The following NKD1 variants were observed in gnomAD, a reference collection of about 807,000 sequenced individuals.
NKD1 encodes NKD inhibitor of Wnt signaling pathway 1, also known as protein naked cuticle homolog 1.
In NKD1, 21 loss-of-function variants were observed where a neutral mutation model predicts 56.0. The observed-to-expected ratio is 0.38, with a 90% CI of 0.27 to 0.54. The LOEUF (loss-of-function observed/expected upper bound fraction) is 0.54. NKD1 is among the 20% of genes least tolerant of loss of function. NKD1 has a pLI of 0.82. For synonymous variants in NKD1, 263 were observed against 265.7 expected (o/e 0.99, Z 0.10); for missense variants, 578 against 642.7 (o/e 0.90, Z 1.09).
At chr16:50,599,512 C>T (rs920212285) in intron 3 of NKD1, among the ~76,000 whole-genome samples, 17 of 152,348 alleles carry the variant, frequency 1.1e-4, no homozygotes, top group African/African-American at 2.9e-4. Context: ...TGGGGGTCAT[C>T]GCAGAGCCCA....
At chr16:50,576,004 C>T (rs1015164624) in intron 3 of NKD1, among the ~76,000 whole-genome samples, 1 of 152,218 alleles carries the variant, frequency 6.6e-6, no homozygotes, top group Non-Finnish European at 1.5e-5. Flanking sequence ...TAAACAGTGC[C>T]AAGGTGGAGA....
chr16:50,555,345 G>C (rs1054090781), intron 3 of NKD1: 1 of 152,490 alleles, frequency 6.6e-6, no homozygotes, highest in African/African-American at 2.4e-5. Context: ...GGTGGCTCTT[G>C]GCACATCTGA....
In NKD1 at chr16:50,645,720, T is replaced by C. The variant is rs913901190; in HGVS notation, c.*11939T>C. On this transcript the variant is annotated 3_prime_UTR_variant, in exon 10 of 10. Coordinates refer to ENST00000268459, the MANE Select transcript of NKD1 (RefSeq NM_033119.5). ...ACGTTGTTTATGACGTTCTTACCCA[T>C]GAAAGCGCTCAAGGATCCGCTTGCT... The C allele has an allele frequency of 3.9e-5, 6 of 152,076 alleles. No homozygotes were observed. The highest frequency in any genetic ancestry group is 1.5e-4 in the African/African-American group (6 of 41,314). The allele number at this position is 152,076 out of a possible 1,614,324, so 9.4% of individuals were successfully genotyped here.
intron 3 of NKD1, among the ~76,000 whole-genome samples, chr16:50,597,840 G>A (rs147248038): frequency 2.0e-5 from 3 of 152,322 alleles, no homozygotes; most frequent in African/African-American, 7.2e-5. Context: ...CTGGCAGCAT[G>A]CGAACTGCTG....
chr16:50,626,257 C>G (rs1050428894), intron 6 of NKD1, among the ~76,000 whole-genome samples: 2 of 152,230 alleles, frequency 1.3e-5, no homozygotes, highest in African/African-American at 4.8e-5. Flanking sequence ...GTGCTAGGTA[C>G]TAGGCATGAG....
chr16:50,562,979 C>CGT (rs1960668079), intron 3 of NKD1, among the ~76,000 whole-genome samples: 6 of 119,114 alleles, frequency 5.0e-5, no homozygotes, highest in Middle Eastern at 3.9e-3. Context: ...TGCTAGGTCC[C>CGT]ACCACCACCC....
chr16:50,616,030 T>C (rs751092920), intron 4 of NKD1: 2 of 453,300 alleles, frequency 4.4e-6, no homozygotes, highest in South Asian at 3.1e-5. Context: ...TTAAAATTCA[T>C]CTGCATTCCC....
chr16:50,553,190 AATAG>A (rs140125933), intron 3 of NKD1, among the ~76,000 whole-genome samples: 2,120 of 152,336 alleles, frequency 0.014, 38 homozygotes, highest in African/African-American at 0.038. Context: ...GAAAAAGCTT[AATAG>A]ATAGATTAAA....
chr16:50,550,995 C>T (rs183197994), intron 3 of NKD1, among the ~76,000 whole-genome samples: 19 of 152,156 alleles, frequency 1.2e-4, no homozygotes, highest in Non-Finnish European at 2.4e-4. Context: ...AGGCAGCTTG[C>T]TCCATGCTAG....
intron 3 of NKD1, among the ~76,000 whole-genome samples, chr16:50,576,298 A>G (rs1876512665): frequency 6.6e-6 from 1 of 152,156 alleles, no homozygotes; most frequent in African/African-American, 2.4e-5. Context: ...ACTCACCCCC[A>G]TGTCCAATTA....
chr16:50,563,008 T>C lies in NKD1; in HGVS notation c.192+13453T>C, dbSNP rs1251871057. On this transcript the variant is annotated intron_variant, in intron 3 of 9. Transcript: ENST00000268459. Reference sequence around the variant, plus strand: ...ACCACCCCCCCCCCCCGCCGTAGAATGGGTAGAAGAAGGGGCTGTAGAAGT... The same window carrying C: ...ACCACCCCCCCCCCCCGCCGTAGAACGGGTAGAAGAAGGGGCTGTAGAAGT... 4.4e-5 allele frequency among the ~76,000 whole-genome samples: 3 copies of C among 68,186 alleles called. No homozygotes were observed. The Admixed American group carries it at 6.9e-4, about 16-fold the overall frequency. 44.7% of individuals were successfully genotyped at this position (68,186 alleles called of 152,430 possible). A position where few individuals can be genotyped will look rare whatever the true frequency, so the allele number is the denominator to read the frequency against.
chr16:50,588,495 G>A (rs1274933419), intron 3 of NKD1, among the ~76,000 whole-genome samples: 1 of 152,182 alleles, frequency 6.6e-6, no homozygotes, highest in African/African-American at 2.4e-5. Context: ...AGCTCAGCAG[G>A]GTGGCTAGAG....
Position 50,600,620 on chromosome 16 carries a change from C to T in NKD1, c.193-7674C>T, listed in dbSNP as rs563147209. Reference sequence around the variant, plus strand: ...CCAGAGACATGGCTCTGGAGGAAGGCGCGACCATGGCATGTGGATGCCTGC... The same window carrying T: ...CCAGAGACATGGCTCTGGAGGAAGGTGCGACCATGGCATGTGGATGCCTGC... On this transcript the variant is annotated intron_variant, in intron 3 of 9. Transcript: ENST00000268459. 1.6e-4 allele frequency among the ~76,000 whole-genome samples: 25 copies of T among 152,264 alleles called. No homozygotes were observed. The East Asian group carries it at 3.3e-3, about 20-fold the overall frequency.
intron 3 of NKD1, among the ~76,000 whole-genome samples, chr16:50,582,224 G>A (rs1961132276): frequency 6.6e-6 from 1 of 152,146 alleles, no homozygotes; most frequent in Non-Finnish European, 1.5e-5. Flanking sequence ...TGCTAATTAT[G>A]CCTTGAACGT....
Position 50,639,740 on chromosome 16 carries a change from T to C in NKD1, c.*5959T>C, listed in dbSNP as rs749985. On this transcript the variant is annotated 3_prime_UTR_variant, in exon 10 of 10. Coordinates refer to ENST00000268459, the MANE Select transcript of NKD1 (RefSeq NM_033119.5). ...TCCTAAAATTACAGATGGCGAAAGA[T>C]GGCCACATTTAGTGAGACCCCTAAG... The C allele has an allele frequency of 0.63, 95,691 of 152,108 alleles. 30,554 individuals carry two copies. Among genetic ancestry groups the C allele is most frequent in the Non-Finnish European group, 0.67 (45,498 of 67,996 alleles). 9.4% of individuals were successfully genotyped at this position (152,108 alleles called of 1,614,324 possible).
At chr16:50,625,860 G>A (rs935533748) in intron 6 of NKD1, among the ~76,000 whole-genome samples, 1 of 152,178 alleles carries the variant, frequency 6.6e-6, no homozygotes, top group East Asian at 1.9e-4. Context: ...CAGGTGCAGA[G>A]CCCTAGGGCC....
chr16:50,630,801 C>T (rs779422777), intron 7 of NKD1, 25 bp from the exon 8 acceptor site: 1 of 1,566,608 alleles, frequency 6.4e-7, no homozygotes, highest in Non-Finnish European at 8.6e-7. Context: ...CCTGGTGTCT[C>T]CTGTGCTTCT....
chr16:50,557,997 G>A (rs926004107), intron 3 of NKD1: 2 of 152,248 alleles, frequency 1.3e-5, no homozygotes, highest in African/African-American at 4.8e-5. Flanking sequence ...TGGGAACCGG[G>A]GTGCCCCCGG....
At chr16:50,596,705 G>A (rs1030601865) in intron 3 of NKD1, among the ~76,000 whole-genome samples, 1 of 152,264 alleles carries the variant, frequency 6.6e-6, no homozygotes, top group Admixed American at 6.5e-5. Context: ...GCCGTCAGGC[G>A]TTGATACATA....
Sources: gnomAD v4.1 joint callset for allele counts (sites outside exome capture counted in the v4.1 genomes callset) on GRCh38, gnomAD v4.1.1 for gene constraint, MANE v1.5 for transcripts, NCBI Gene and HGNC (gene_info 2026-07-23, HGNC 2026-07-21) for gene names.